The following EFR3B variants were observed in gnomAD, a reference collection of about 807,000 sequenced individuals.
EFR3B encodes protein EFR3 homolog B.
Under a neutral mutation model 104.7 loss-of-function variants are expected in EFR3B, and 64 were observed. The ratio of observed to expected loss-of-function variants is 0.61; its 90% CI spans 0.50 to 0.75. The LOEUF is 0.75. Among genes scored for constraint, EFR3B ranks in the 30% least tolerant of loss-of-function variants. The pLI, the probability that EFR3B is intolerant of heterozygous loss-of-function variation, is 0.00. For missense variants in EFR3B, 750 were observed against 1,078.5 expected (o/e 0.70, Z 4.27); for synonymous variants, 385 against 417.9 (o/e 0.92, Z 0.96).
At chr2:25,145,713 A>G (rs1670794807) in intron 19 of EFR3B, 2 of 152,238 alleles carry the variant, frequency 1.3e-5, no homozygotes, top group Admixed American at 1.3e-4. Context: ...CGTATGTATC[A>G]ATAAAGAATC....
At chr2:25,118,330 G>A (rs1403957043) in intron 4 of EFR3B, among the ~76,000 whole-genome samples, 2 of 152,196 alleles carry the variant, frequency 1.3e-5, no homozygotes, top group Admixed American at 6.5e-5. Context: ...GGCAGTGTTT[G>A]TCTTTCTGCG....
chr2:25,145,245 C>A, intron 19 of EFR3B, 194 bp downstream of exon 19: 1 of 609,250 alleles, frequency 1.6e-6, no homozygotes, highest in Non-Finnish European at 2.9e-6. Flanking sequence ...TTAGGGTCCT[C>A]CCTGCTCCCA....
In EFR3B at chr2:25,131,649, C is replaced by T. The variant is rs1405097626; in HGVS notation, c.986-101C>T. ...AGGAAGTTGGGAGCGCAGAGGAAGC[C>T]CAGGCTGGAAGGGGGCGTGACCCTG... On this transcript the variant is annotated intron_variant, in intron 9 of 22. Transcript: ENST00000403714. This position sits in a 1 kb window ranked among gnomAD's most constrained non-coding sequence, Gnocchi z 7.6. The T allele has an allele frequency of 2.0e-6, 3 of 1,488,124 alleles. No homozygotes were observed. Among genetic ancestry groups the T allele is most frequent in the Non-Finnish European group, 2.7e-6 (3 of 1,112,314 alleles). 92.2% of individuals were successfully genotyped at this position (1,488,124 alleles called of 1,614,324 possible).
chr2:25,070,326 A>G (rs1162663226), intron 1 of EFR3B, among the ~76,000 whole-genome samples: 2 of 152,058 alleles, frequency 1.3e-5, no homozygotes, highest in Non-Finnish European at 1.5e-5. Context: ...CAGTGGCGCA[A>G]TCTTGGCTCA....
At chr2:25,124,277 AGTGTGTGTGTGT>A (rs5829961) in intron 5 of EFR3B, among the ~76,000 whole-genome samples, 1,960 of 124,770 alleles carry the variant, frequency 0.016, 35 homozygotes, top group African/African-American at 0.033. Context: ...TGTGCATGCA[AGTGTGTGTGTGT>A]GTGTGTGTGT....
intron 17 of EFR3B, among the ~76,000 whole-genome samples, chr2:25,142,209 A>G (rs1454788871): frequency 6.6e-6 from 1 of 151,882 alleles, no homozygotes; most frequent in East Asian, 1.9e-4. Context: ...TTGGGAGGCT[A>G]AGGTGGGCGG....
At chr2:25,151,146 A>G (rs890700794) in intron 20 of EFR3B, among the ~76,000 whole-genome samples, 4 of 152,078 alleles carry the variant, frequency 2.6e-5, no homozygotes, top group African/African-American at 9.7e-5. Flanking sequence ...TTGGATACCA[A>G]GCAGCATGTG....
chr2:25,157,724 C>G lies in EFR3B; in HGVS notation c.*3384C>G, dbSNP rs1202016879. The G allele has an allele frequency of 1.3e-5, 2 of 152,252 alleles. No individual in the cohort carries two copies. The highest frequency in any genetic ancestry group is 4.8e-5 in the African/African-American group (2 of 41,442). The allele number at this position is 152,252 out of a possible 1,614,324, so 9.4% of individuals were successfully genotyped here. ...TAAGAGGCAGATCGGCAGAAAGCAT[C>G]AGTGTGGTCCCGAGGCTCCCTCTGT... On this transcript the variant is annotated 3_prime_UTR_variant, in exon 23 of 23. Transcript: ENST00000403714.
At chr2:25,148,921 C>CAAA (rs57218512) in intron 19 of EFR3B, among the ~76,000 whole-genome samples, 3 of 68,470 alleles carry the variant, frequency 4.4e-5, no homozygotes, top group Admixed American at 1.8e-4. Flanking sequence ...GACTCCGTCT[C>CAAA]AAAAAAAAAA....
In EFR3B at chr2:25,151,910, G is replaced by A. The variant is rs1242317565; in HGVS notation, c.2192-4G>A. On this transcript the variant is annotated splice_region_variant and splice_polypyrimidine_tract_variant and intron_variant, in intron 20 of 22. Coordinates refer to ENST00000403714, the MANE Select transcript of EFR3B (RefSeq NM_014971.2). ...TGGCACTAACCCAGCTCTCTGTGTC[G>A]AAGTGGACAGCGTAGCAGTGGAGGA... 9.7e-6 allele frequency: 15 copies of A among 1,551,578 alleles called. No individual in the cohort carries two copies. Among genetic ancestry groups the A allele is most frequent in the South Asian group, 3.6e-5 (3 of 84,062 alleles).
rs1671198625 is a variant in EFR3B at position 25,157,216 on chromosome 2, G to T, written c.*2876G>T. On this transcript the variant is annotated 3_prime_UTR_variant, in exon 23 of 23. Transcript: ENST00000403714. ...TTTTGAAGAACTGGTCATTTTTTTT[G>T]AGTGCCCTCTTCTCAGTTTTGTTTA... 2 of 151,960 alleles carry T rather than the reference G, an allele frequency of 1.3e-5. No homozygotes were observed. Among genetic ancestry groups the T allele is most frequent in the Non-Finnish European group, 1.5e-5 (1 of 67,976 alleles). 9.4% of individuals were successfully genotyped at this position (151,960 alleles called of 1,614,324 possible).
intron 5 of EFR3B, among the ~76,000 whole-genome samples, chr2:25,123,990 GC>G (rs1670092337): frequency 6.6e-6 from 1 of 152,210 alleles, no homozygotes; most frequent in Non-Finnish European, 1.5e-5. Flanking sequence ...TGACAGGAAG[GC>G]CTGTGGGTGA....
intron 1 of EFR3B, among the ~76,000 whole-genome samples, chr2:25,082,568 C>A (rs1313599665): frequency 2.0e-5 from 3 of 152,190 alleles, no homozygotes; most frequent in Non-Finnish European, 4.4e-5. Flanking sequence ...TTGCTAAGTG[C>A]CTCATAGACT....
chr2:25,079,961 A>G (rs986090626), intron 1 of EFR3B: 2 of 1,196,174 alleles, frequency 1.7e-6, no homozygotes, highest in East Asian at 2.4e-5. Context: ...CCGCTGTTTC[A>G]GAGAGCCTTC....
intron 16 of EFR3B, 37 bp downstream of exon 16, chr2:25,139,227 C>A: frequency 2.6e-6 from 4 of 1,538,810 alleles, no homozygotes; most frequent in South Asian, 1.2e-5. Context: ...AGGGGGCCCT[C>A]AACTTGGGGT....
chr2:25,049,553 A>G (rs1366595791), intron 1 of EFR3B, among the ~76,000 whole-genome samples: 2 of 152,246 alleles, frequency 1.3e-5, no homozygotes, highest in East Asian at 3.8e-4. Flanking sequence ...ACTGTTTTGC[A>G]CGGTGGAATG....
At chr2:25,086,985 C>T (rs2384094) in intron 1 of EFR3B, among the ~76,000 whole-genome samples, 33,269 of 152,092 alleles carry the variant, frequency 0.22, 3,876 homozygotes, top group South Asian at 0.29. Context: ...CCTGAGACTG[C>T]GTAATTTATA....
chr2:25,125,764 C>A (rs188035856), intron 5 of EFR3B, among the ~76,000 whole-genome samples: 2 of 152,128 alleles, frequency 1.3e-5, no homozygotes, highest in Non-Finnish European at 1.5e-5. Flanking sequence ...CTGGCTAACA[C>A]GGTGAAACCC....
intron 3 of EFR3B, among the ~76,000 whole-genome samples, chr2:25,095,723 A>G (rs1036228279): frequency 6.6e-5 from 10 of 152,042 alleles, no homozygotes; most frequent in Non-Finnish European, 1.3e-4. Flanking sequence ...AGAATGTACC[A>G]ATATGTTAGG....
Sources: allele counts gnomAD v4.1 joint callset (sites outside exome capture counted in the v4.1 genomes callset), GRCh38; gene constraint gnomAD v4.1.1; non-coding constraint Gnocchi (gnomAD v3.1); transcripts MANE v1.5; gene names NCBI Gene and HGNC (gene_info 2026-07-23, HGNC 2026-07-21).